The following LRMDA variants were observed in gnomAD, a reference collection of about 807,000 sequenced individuals.
LRMDA encodes leucine rich melanocyte differentiation associated, also known as leucine-rich melanocyte differentiation-associated protein.
Under a neutral mutation model 29.8 loss-of-function variants are expected in LRMDA, and 18 were observed. The ratio of observed to expected loss-of-function variants is 0.60; its 90% CI spans 0.42 to 0.90. The LOEUF (loss-of-function observed/expected upper bound fraction) is 0.90. Ranked by LOEUF, LRMDA falls within the 40% of genes least tolerant of loss-of-function variation. The pLI is 0.00. For missense variants in LRMDA, 273 were observed against 273.9 expected (o/e 1.00, Z 0.02); for synonymous variants, 125 against 109.4 (o/e 1.14, Z -0.89).
chr10:76,113,968 G>A (rs535961028), intron 5 of LRMDA, among the ~76,000 whole-genome samples: 3 of 152,166 alleles, frequency 2.0e-5, no homozygotes, highest in Admixed American at 6.5e-5. Flanking sequence ...AAAGTTCCTC[G>A]TTTTAAGTTG....
intron 5 of LRMDA, among the ~76,000 whole-genome samples, chr10:76,104,909 T>C (rs1849455600): frequency 6.6e-6 from 1 of 152,188 alleles, no homozygotes; most frequent in Non-Finnish European, 1.5e-5. Context: ...ACTGGCTCCA[T>C]TGCTGTTTCT....
At chr10:75,764,034 GC>G (rs1201978482) in intron 2 of LRMDA, among the ~76,000 whole-genome samples, 1 of 152,128 alleles carries the variant, frequency 6.6e-6, no homozygotes, top group Non-Finnish European at 1.5e-5. Flanking sequence ...GGAACTGCTT[GC>G]CAGTGAATCT....
intron 5 of LRMDA, among the ~76,000 whole-genome samples, chr10:76,097,782 A>T (rs942128117): frequency 6.6e-6 from 1 of 152,110 alleles, no homozygotes; most frequent in Admixed American, 6.6e-5. Context: ...TGGTAATGAC[A>T]TATTTTTAAT....
intron 2 of LRMDA, chr10:75,782,813 C>T: frequency 6.9e-7 from 1 of 1,451,550 alleles, no homozygotes; most frequent in South Asian, 1.4e-5. Context: ...TTGTTGAGAA[C>T]CTTTAGCCAG....
chr10:75,550,445 G>T (rs1320822682), intron 2 of LRMDA, among the ~76,000 whole-genome samples: 1 of 151,906 alleles, frequency 6.6e-6, no homozygotes, highest in Non-Finnish European at 1.5e-5. Flanking sequence ...CATATTCCTT[G>T]TTCTGAAACC....
intron 6 of LRMDA, among the ~76,000 whole-genome samples, chr10:76,507,908 C>T (rs1842975118): frequency 6.6e-6 from 1 of 152,058 alleles, no homozygotes; most frequent in Admixed American, 6.6e-5. Flanking sequence ...CTTTATAGTA[C>T]ATTTTCAAAT....
At chr10:75,566,982 TATCA>T (rs763951777) in intron 2 of LRMDA, among the ~76,000 whole-genome samples, 1 of 152,240 alleles carries the variant, frequency 6.6e-6, no homozygotes, top group South Asian at 2.1e-4. Flanking sequence ...CTTCCCTACC[TATCA>T]GTCACCAGAT....
chr10:76,235,489 A>T (rs139333793), intron 5 of LRMDA, among the ~76,000 whole-genome samples: 1 of 152,102 alleles, frequency 6.6e-6, no homozygotes, highest in East Asian at 1.9e-4. Flanking sequence ...TGTAGAAAAA[A>T]TAGTATCTGT....
chr10:76,484,682 C>G (rs1480737157), intron 6 of LRMDA, among the ~76,000 whole-genome samples: 2 of 151,882 alleles, frequency 1.3e-5, no homozygotes, highest in Non-Finnish European at 2.9e-5. Flanking sequence ...TCTGTAAATT[C>G]TATTAGGTTA....
intron 6 of LRMDA, among the ~76,000 whole-genome samples, chr10:76,363,241 AAG>A (rs1404755095): frequency 1.6e-5 from 1 of 63,354 alleles, no homozygotes; most frequent in Admixed American, 1.3e-4. Flanking sequence ...GAAAGAAAGA[AAG>A]AAAGAAAGAA....
intron 2 of LRMDA, among the ~76,000 whole-genome samples, chr10:75,582,648 G>C (rs1422912596): frequency 6.6e-6 from 1 of 152,176 alleles, no homozygotes; most frequent in Non-Finnish European, 1.5e-5. Context: ...CATTGTTTTG[G>C]TGATTAGCAA....
chr10:75,871,092 C>T (rs1180094768), intron 2 of LRMDA, among the ~76,000 whole-genome samples: 2 of 152,170 alleles, frequency 1.3e-5, no homozygotes, highest in Non-Finnish European at 2.9e-5. Context: ...TTTCTCTTTC[C>T]CAGGCTAGCC....
chr10:75,535,877 G>C (rs1233654954), intron 2 of LRMDA, among the ~76,000 whole-genome samples: 1 of 152,166 alleles, frequency 6.6e-6, no homozygotes, highest in Non-Finnish European at 1.5e-5. Context: ...AGTGGACCAG[G>C]CCAGGAGGCA....
At chr10:75,574,248 T>C (rs762106901) in intron 2 of LRMDA, among the ~76,000 whole-genome samples, 1 of 152,204 alleles carries the variant, frequency 6.6e-6, no homozygotes, top group South Asian at 2.1e-4. Flanking sequence ...TTTAGTCTTC[T>C]TTTCCCACTT....
intron 5 of LRMDA, among the ~76,000 whole-genome samples, chr10:76,104,766 G>A (rs7895127): frequency 0.36 from 54,955 of 151,734 alleles, 11,216 homozygotes; most frequent in Non-Finnish European, 0.46. Flanking sequence ...ATGAGAAGAC[G>A]AAGGGCCGTG....
chr10:76,029,485 A>C (rs1848114650), intron 2 of LRMDA, among the ~76,000 whole-genome samples: 1 of 152,200 alleles, frequency 6.6e-6, no homozygotes, highest in Admixed American at 6.5e-5. Context: ...GATCAGATAC[A>C]TTATTCACGT....
chr10:76,128,092 G>A (rs113481448), intron 5 of LRMDA, among the ~76,000 whole-genome samples: 1,817 of 152,254 alleles, frequency 0.012, 41 homozygotes, highest in African/African-American at 0.041. Flanking sequence ...GAGAGAATTG[G>A]CAAAGAAATT....
chr10:76,244,811 G>A (rs569572360), intron 5 of LRMDA, among the ~76,000 whole-genome samples: 12 of 152,326 alleles, frequency 7.9e-5, no homozygotes, highest in African/African-American at 2.9e-4. Context: ...GGAAGTCAGT[G>A]TGGGAATTTA....
intron 5 of LRMDA, among the ~76,000 whole-genome samples, chr10:76,277,804 G>A (rs1261396756): frequency 1.3e-5 from 2 of 152,200 alleles, no homozygotes; most frequent in Admixed American, 6.5e-5. Flanking sequence ...AAATGGGGTA[G>A]GGAGGAGAAT....
Sources: gnomAD v4.1 joint callset for allele counts (sites outside exome capture counted in the v4.1 genomes callset) on GRCh38, gnomAD v4.1.1 for gene constraint, MANE v1.5 for transcripts, NCBI Gene and HGNC (gene_info 2026-07-23, HGNC 2026-07-21) for gene names.